The following NDC1 variants were observed in gnomAD, a reference collection of about 807,000 sequenced individuals.
The protein encoded by NDC1 is NDC1 transmembrane nucleoporin.
Under a neutral mutation model 89.8 loss-of-function variants are expected in NDC1, and 24 were observed. The ratio of observed to expected loss-of-function variants is 0.27; its 90% CI spans 0.19 to 0.38. The LOEUF is 0.38. Ranked by LOEUF, NDC1 falls within the 10% of genes least tolerant of loss-of-function variation. NDC1 has a pLI of 1.00. For synonymous variants in NDC1, 296 were observed against 284.8 expected, an observed-to-expected ratio of 1.04 and a Z score of -0.39; for missense variants, 728 against 797.6, an observed-to-expected ratio of 0.91 and a Z score of 1.05.
At chr1:53,816,181 C>T (rs1175795607) in intron 6 of NDC1, among the ~76,000 whole-genome samples, 14 of 152,286 alleles carry the variant, frequency 9.2e-5, no homozygotes, top group African/African-American at 3.4e-4. Context: ...AGGCATCACA[C>T]TACCTGATTT....
chr1:53,838,270 C>CG lies in NDC1; in HGVS notation c.-10dup, dbSNP rs1287359911. The CG allele has an allele frequency of 1.8e-5, 27 of 1,536,324 alleles. No homozygotes were observed. Among genetic ancestry groups the CG allele is most frequent in the Non-Finnish European group, 1.8e-5 (21 of 1,145,090 alleles). Reference sequence around the variant, plus strand: ...CTCACGGCCGTGGCCATGGAGATGGCGGCCCCTAGTCTAGGGCGTACAGGA... The same window carrying CG: ...CTCACGGCCGTGGCCATGGAGATGGCGGGCCCCTAGTCTAGGGCGTACAGGA... On this transcript the variant is annotated 5_prime_UTR_variant, in exon 1 of 18. Transcript: ENST00000371429.
chr1:53,806,973 G>T (rs1259681547), intron 8 of NDC1, among the ~76,000 whole-genome samples: 2 of 152,054 alleles, frequency 1.3e-5, no homozygotes. Flanking sequence ...TTGGCTGGGT[G>T]GAGTGGCTCA....
chr1:53,830,423 C>T (rs956155316), intron 3 of NDC1, among the ~76,000 whole-genome samples: 1 of 151,996 alleles, frequency 6.6e-6, no homozygotes, highest in African/African-American at 2.4e-5. Context: ...CACTGCACTC[C>T]AGCCTGGGCG....
Position 53,800,833 on chromosome 1 carries a change from T to C in NDC1, c.1082A>G (p.Asn361Ser), listed in dbSNP as rs140153118. ...SLSQPGGHPH[N>S]WTAISRECLN... is the part of the protein sequence containing the mutation. ...ACACTCCCTTGAAATGGCTGTCCAA[T>C]TGTGGGGATGTCCACCTAGGAGGTC... is the stretch of plus-strand genomic sequence containing the variant. Residue 361 changes from asparagine to serine, a missense_variant, in exon 11 of 18, where the codon AAT becomes AGT. Transcript: ENST00000371429. The C allele has an allele frequency of 1.3e-5, 21 of 1,600,058 alleles. No individual in the cohort carries two copies. Among genetic ancestry groups the C allele is most frequent in the African/African-American group, 2.7e-5 (2 of 74,020 alleles).
At chr1:53,819,436 T>G (rs1485958967) in intron 5 of NDC1, among the ~76,000 whole-genome samples, 1 of 152,186 alleles carries the variant, frequency 6.6e-6, no homozygotes, top group African/African-American at 2.4e-5. Context: ...CCTAAGCACT[T>G]TACATATTTG....
intron 16 of NDC1, among the ~76,000 whole-genome samples, chr1:53,785,398 G>A (rs1203374010): frequency 6.6e-6 from 1 of 152,132 alleles, no homozygotes; most frequent in African/African-American, 2.4e-5. Flanking sequence ...TTGGGAAAGA[G>A]TACAAATAAT....
intron 16 of NDC1, among the ~76,000 whole-genome samples, chr1:53,782,148 A>G (rs1472426869): frequency 6.6e-6 from 1 of 152,118 alleles, no homozygotes; most frequent in African/African-American, 2.4e-5. Flanking sequence ...CAGCATGTGC[A>G]GTTAGAGTCA....
chr1:53,816,080 C>A (rs1368036759), intron 6 of NDC1, among the ~76,000 whole-genome samples: 2 of 152,216 alleles, frequency 1.3e-5, no homozygotes, highest in East Asian at 3.9e-4. Flanking sequence ...TCATTCTTCA[C>A]AGAATTAGAA....
rs1158141227 is a variant in NDC1 at position 53,766,907 on chromosome 1, C to CG, written c.*1062dup. On this transcript the variant is annotated 3_prime_UTR_variant, in exon 18 of 18. Transcript: ENST00000371429. ...GATCTAATAAATTCTAACAATACTT[C>CG]GTTCACATTTGGGACACACAACATA... 3.3e-5 allele frequency: 5 copies of CG among 152,178 alleles called. No individual in the cohort carries two copies. In the East Asian group the frequency reaches 9.6e-4, roughly 29 times the overall value. The allele number at this position is 152,178 out of a possible 1,614,324, so 9.4% of individuals were successfully genotyped here. A position where few individuals can be genotyped will look rare whatever the true frequency, so the allele number is the denominator to read the frequency against.
intron 3 of NDC1, among the ~76,000 whole-genome samples, chr1:53,829,785 T>C: frequency 6.6e-6 from 1 of 152,254 alleles, no homozygotes; most frequent in East Asian, 1.9e-4. Flanking sequence ...GAACACTCTG[T>C]TTAAGTGTGG....
At chr1:53,792,081 C>T (rs749858278) in intron 14 of NDC1, among the ~76,000 whole-genome samples, 38 of 151,900 alleles carry the variant, frequency 2.5e-4, no homozygotes, top group East Asian at 9.7e-4. Context: ...TAGCTGGGAC[C>T]ACAGGCGCCC....
At chr1:53,813,161 G>A (rs1485806483) in intron 6 of NDC1, among the ~76,000 whole-genome samples, 1 of 152,078 alleles carries the variant, frequency 6.6e-6, no homozygotes, top group Admixed American at 6.6e-5. Flanking sequence ...CCTCTTTAAA[G>A]CATAAATCAA....
At chr1:53,790,872 C>T (rs1182079286) in intron 14 of NDC1, among the ~76,000 whole-genome samples, 8 of 152,142 alleles carry the variant, frequency 5.3e-5, no homozygotes, top group African/African-American at 9.7e-5. Flanking sequence ...TTTTGTTACA[C>T]GTATATAATG....
In NDC1 at chr1:53,798,072, A is replaced by T. The variant is rs1383632532; in HGVS notation, c.1223-928T>A. 4.0e-5 allele frequency among the ~76,000 whole-genome samples: 6 copies of T among 151,344 alleles called. No individual in the cohort carries two copies. The East Asian group carries it at 1.2e-3, about 29-fold the overall frequency. ...GAGTCTGTTATACAAAAACAAAAGGAACTTTTCTTGTCACTCCAGCACAAG... is the reference window on the plus strand; with the variant it reads ...GAGTCTGTTATACAAAAACAAAAGGTACTTTTCTTGTCACTCCAGCACAAG... On this transcript the variant is annotated intron_variant, in intron 11 of 17. Transcript: ENST00000371429.
At chr1:53,818,240 C>T (rs1051262269) in intron 6 of NDC1, among the ~76,000 whole-genome samples, 4 of 151,978 alleles carry the variant, frequency 2.6e-5, no homozygotes, top group Non-Finnish European at 5.9e-5. Context: ...AGTCCAAGAC[C>T]AGCCTGGCCA....
intron 17 of NDC1, among the ~76,000 whole-genome samples, chr1:53,769,780 G>A (rs1647097052): frequency 6.6e-6 from 1 of 152,128 alleles, no homozygotes; most frequent in African/African-American, 2.4e-5. Context: ...AAACCAAGTG[G>A]GTGTGAGAAT....
At position 53,797,156 on chromosome 1, in the gene NDC1, C is replaced by T. The variant is rs201094747; in HGVS notation, c.1223-12G>A. 4.2e-4 allele frequency: 684 copies of T among 1,612,886 alleles called. No individual in the cohort carries two copies. Among genetic ancestry groups the T allele is most frequent in the Non-Finnish European group, 5.5e-4 (652 of 1,179,100 alleles). ...AAAAGCAGTTTCTTCTGTAAAACAA[C>T]AGATCCAGTGCTGAAGAGGCAACCT... On this transcript the variant is annotated splice_polypyrimidine_tract_variant and intron_variant, in intron 11 of 17. Transcript: ENST00000371429.
intron 2 of NDC1, among the ~76,000 whole-genome samples, chr1:53,834,687 G>A (rs1229949428): frequency 2.0e-5 from 3 of 152,136 alleles, no homozygotes; most frequent in Non-Finnish European, 4.4e-5. Context: ...CAGAGTTACA[G>A]GAAGGATAAG....
chr1:53,832,923 G>A (rs144625377), intron 2 of NDC1, among the ~76,000 whole-genome samples: 53 of 152,172 alleles, frequency 3.5e-4, no homozygotes, highest in African/African-American at 1.2e-3. Context: ...GAAGTGGGAA[G>A]ATCACTTGAG....
Sources: gnomAD v4.1 joint callset for allele counts (sites outside exome capture counted in the v4.1 genomes callset) on GRCh38, gnomAD v4.1.1 for gene constraint, MANE v1.5 for transcripts, NCBI Gene and HGNC (gene_info 2026-07-23, HGNC 2026-07-21) for gene names.